The following PGAP4 variants were observed in gnomAD, a reference collection of about 807,000 sequenced individuals.
PGAP4 encodes the protein post-GPI attachment to proteins GalNAc transferase 4.
A neutral mutation model predicts 28.2 loss-of-function variants in PGAP4; 12 were observed. That is an observed-to-expected ratio of 0.42 (90% CI 0.27 to 0.69). The LOEUF is 0.69. PGAP4 is among the 30% of genes least tolerant of loss of function. PGAP4 has a pLI of 0.22. For synonymous variants in PGAP4, 205 were observed against 211.8 expected (o/e 0.97, Z 0.28); for missense variants, 425 against 513.5 (o/e 0.83, Z 1.67).
At chr9:101,494,555 C>T (rs949316145) in intron 2 of PGAP4, among the ~76,000 whole-genome samples, 1 of 151,528 alleles carries the variant, frequency 6.6e-6, no homozygotes, top group African/African-American at 2.4e-5. Context: ...TTGTTTAATC[C>T]TGATTAGTAG....
intron 1 of PGAP4, among the ~76,000 whole-genome samples, chr9:101,531,961 A>G (rs1242220957): frequency 6.6e-6 from 1 of 152,254 alleles, no homozygotes; most frequent in African/African-American, 2.4e-5. Context: ...TTAATAAAAG[A>G]GAGCCACGCC....
At chr9:101,494,704 G>C (rs1307194868) in intron 2 of PGAP4, among the ~76,000 whole-genome samples, 3 of 151,618 alleles carry the variant, frequency 2.0e-5, no homozygotes, top group Non-Finnish European at 3.0e-5. Flanking sequence ...GACTATAGCT[G>C]ATTGCAAAAA....
intron 2 of PGAP4, among the ~76,000 whole-genome samples, chr9:101,527,962 C>T (rs1588211881): frequency 6.6e-6 from 1 of 152,126 alleles, no homozygotes; most frequent in East Asian, 1.9e-4. Flanking sequence ...TCTTGGAATT[C>T]CTGTAAGCTC....
chr9:101,513,180 T>C (rs533715609), intron 2 of PGAP4, among the ~76,000 whole-genome samples: 1 of 152,164 alleles, frequency 6.6e-6, no homozygotes, highest in South Asian at 2.1e-4. Context: ...CAGTGGCTAA[T>C]ATCTTGCCTG....
At chr9:101,528,313 G>A (rs1183647231) in intron 2 of PGAP4, among the ~76,000 whole-genome samples, 1 of 152,096 alleles carries the variant, frequency 6.6e-6, no homozygotes, top group African/African-American at 2.4e-5. Context: ...TCTCTAATAT[G>A]CACCCAATCA....
At chr9:101,488,982 T>C (rs1226245655), upstream of PGAP4, 1 of 152,174 alleles carries the variant, frequency 6.6e-6, no homozygotes, top group Non-Finnish European at 1.5e-5. Context: ...ATATCAGGTA[T>C]TGATAAATAT....
chr9:101,492,602 G>GT (rs922042562), intron 2 of PGAP4, among the ~76,000 whole-genome samples: 41 of 151,806 alleles, frequency 2.7e-4, no homozygotes, highest in Middle Eastern at 3.4e-3. Flanking sequence ...AGATTGTTGG[G>GT]TTTTTTTTCT....
chr9:101,486,349 T>C lies in PGAP4; in HGVS notation c.-78+600A>G, dbSNP rs528157775. The stretch of plus-strand genomic sequence containing the variant: ...CTGCGCTCCTTCCCTTCTGCTGGTT[T>C]TTCCTGGTCCTGGGAGGGACGCCTT... On this transcript the variant is annotated intron_variant, in intron 1 of 1. Transcript: ENST00000374848. The surrounding 1 kb of genome is among the most constrained non-coding windows in gnomAD (Gnocchi z 4.7). Among the ~76,000 whole-genome samples the C allele has an allele frequency of 2.0e-5, 3 of 152,280 alleles. No individual in the cohort carries two copies. Among genetic ancestry groups the C allele is most frequent in the South Asian group, 4.1e-4 (2 of 4,828 alleles).
chr9:101,504,009 G>A (rs748763578), intron 2 of PGAP4, among the ~76,000 whole-genome samples: 13 of 151,790 alleles, frequency 8.6e-5, no homozygotes, highest in Non-Finnish European at 1.5e-4. Context: ...GAAACTCAAA[G>A]GAAGGAAGAC....
intron 2 of PGAP4, among the ~76,000 whole-genome samples, chr9:101,514,927 C>G (rs1040676008): frequency 6.6e-6 from 1 of 152,118 alleles, no homozygotes; most frequent in African/African-American, 2.4e-5. Context: ...TCAACTGGCT[C>G]TAAGTTTCTG....
At chr9:101,483,166 C>A (rs1414443817) in intron 1 of PGAP4, among the ~76,000 whole-genome samples, 2 of 152,142 alleles carry the variant, frequency 1.3e-5, no homozygotes, top group South Asian at 2.1e-4. Context: ...CCCTCACAGA[C>A]CCAGCACAGA....
intron 2 of PGAP4, among the ~76,000 whole-genome samples, chr9:101,530,238 T>A (rs1479485711): frequency 6.6e-6 from 1 of 152,222 alleles, no homozygotes; most frequent in Non-Finnish European, 1.5e-5. Context: ...TGATGCGCAG[T>A]ACTGTGCAAC....
intron 2 of PGAP4, among the ~76,000 whole-genome samples, chr9:101,527,986 G>A (rs551837938): frequency 1.3e-5 from 2 of 152,150 alleles, no homozygotes; most frequent in African/African-American, 4.8e-5. Flanking sequence ...GGGTAAGTTA[G>A]GGTGTGCCTG....
chr9:101,477,828 T>A (rs972451524), intron 1 of PGAP4, among the ~76,000 whole-genome samples: 9 of 152,210 alleles, frequency 5.9e-5, no homozygotes, highest in African/African-American at 1.9e-4. Flanking sequence ...AGAGGAAGTA[T>A]TTCCCATAAG....
intron 2 of PGAP4, among the ~76,000 whole-genome samples, chr9:101,502,365 A>G (rs1395523463): frequency 1.3e-5 from 2 of 152,050 alleles, no homozygotes; most frequent in Non-Finnish European, 2.9e-5. Context: ...AATGATGAAA[A>G]CTTTAAATGG....
In PGAP4 at chr9:101,474,043, A is replaced by T. The variant is rs573091983; in HGVS notation, c.*1838T>A. ...TTCTGCCATCTTAGCTTACAGAGAC[A>T]TGATCTAGTTCAGCTTATACTCAGA... is the stretch of plus-strand genomic sequence containing the variant. On this transcript the variant is annotated 3_prime_UTR_variant, in exon 2 of 2. Transcript: ENST00000374848. The T allele has an allele frequency of 3.3e-5, 5 of 152,372 alleles. No individual in the cohort carries two copies. In the East Asian group the frequency reaches 9.6e-4, roughly 29 times the overall value. 9.4% of individuals were successfully genotyped at this position (152,372 alleles called of 1,614,324 possible).
chr9:101,514,298 C>T (rs1270032488), intron 2 of PGAP4, among the ~76,000 whole-genome samples: 1 of 152,116 alleles, frequency 6.6e-6, no homozygotes, highest in Non-Finnish European at 1.5e-5. Flanking sequence ...ATGTTTTTGT[C>T]TAGCTCTTGG....
rs548038045 is a variant in PGAP4 at position 101,502,832 on chromosome 9, T to C, written c.-164-13632A>G. Among the ~76,000 whole-genome samples the C allele has an allele frequency of 1.6e-3, 242 of 152,218 alleles. 1 individual carries two copies. Among genetic ancestry groups the C allele is most frequent in the African/African-American group, 5.5e-3 (228 of 41,568 alleles). ...AACATCTATAAGAAAGACATCTTTT[T>C]CTTGCCACTTCTCATAATCATAATT... On this transcript the variant is annotated intron_variant, in intron 2 of 3. Transcript: ENST00000374851.
chr9:101,532,342 AC>A (rs992891822), intron 1 of PGAP4, among the ~76,000 whole-genome samples: 8 of 152,018 alleles, frequency 5.3e-5, no homozygotes, highest in Non-Finnish European at 8.8e-5. Context: ...CAAAAATATA[AC>A]CCTTCTGTTG....
Sources: gnomAD v4.1 joint callset for allele counts (sites outside exome capture counted in the v4.1 genomes callset) on GRCh38, gnomAD v4.1.1 for gene constraint, Gnocchi (gnomAD v3.1) non-coding constraint, MANE v1.5 for transcripts, NCBI Gene and HGNC (gene_info 2026-07-23, HGNC 2026-07-21) for gene names.